EDA2R: variants seen among roughly 807,000 people sequenced by gnomAD.
EDA2R encodes tumor necrosis factor receptor superfamily member 27.
EDA2R carries 26 observed loss-of-function variants against 20.1 expected under a neutral mutation model. The observed-to-expected ratio is 1.30, with a 90% CI of 0.95 to 1.80. The LOEUF (loss-of-function observed/expected upper bound fraction) is 1.80. Among genes scored for constraint, EDA2R ranks in the 40% most tolerant of loss-of-function variants. The pLI is 0.00. For missense variants in EDA2R, 277 were observed against 228.7 expected (o/e 1.21, Z -1.36); for synonymous variants, 114 against 88.7 (o/e 1.29, Z -1.60).
intron 2 of EDA2R, among the ~76,000 whole-genome samples, chrX:66,608,529 C>G (rs1348755280): frequency 8.9e-6 from 1 of 112,046 alleles, no homozygotes; most frequent in Non-Finnish European, 1.9e-5. Flanking sequence ...GACTTAAAGT[C>G]AGTGAGATGA....
intron 5 of EDA2R, 146 bp from the exon 6 acceptor site, chrX:66,600,006 G>A (rs1226912453): frequency 2.6e-6 from 3 of 1,145,652 alleles, no homozygotes; most frequent in Non-Finnish European, 3.5e-6. Flanking sequence ...CCTAGCACCA[G>A]GCTGAGGTGA....
At chrX:66,627,207 A>C (rs1462108792) in intron 1 of EDA2R, among the ~76,000 whole-genome samples, 2 of 112,044 alleles carry the variant, frequency 1.8e-5, no homozygotes, top group African/African-American at 3.2e-5. Flanking sequence ...ACAAAAACAA[A>C]ATTTAAAAAT....
chrX:66,630,520 C>A (rs759188744), intron 1 of EDA2R, among the ~76,000 whole-genome samples: 2 of 110,664 alleles, frequency 1.8e-5, no homozygotes, highest in Non-Finnish European at 3.8e-5. Context: ...CCCACCAAAA[C>A]GTGGGCTAAG....
At chrX:66,630,663 T>C (rs1174306044) in intron 1 of EDA2R, among the ~76,000 whole-genome samples, 1 of 110,636 alleles carries the variant, frequency 9.0e-6, no homozygotes, top group Non-Finnish European at 1.9e-5. Flanking sequence ...CTTGCAAAAA[T>C]GGCCATAATC....
At chrX:66,614,309 C>T (rs1162827996) in intron 2 of EDA2R, among the ~76,000 whole-genome samples, 1 of 111,826 alleles carries the variant, frequency 8.9e-6, no homozygotes, top group Non-Finnish European at 1.9e-5. Flanking sequence ...GATAACATTG[C>T]TGATCTGCCC....
intron 1 of EDA2R, among the ~76,000 whole-genome samples, chrX:66,617,312 A>T (rs1274656001): frequency 8.9e-6 from 1 of 111,950 alleles, no homozygotes; most frequent in East Asian, 2.8e-4. Context: ...CTTCATTCAA[A>T]GGAAAGTGGG....
chrX:66,607,818 G>A (rs1263302753), intron 2 of EDA2R, among the ~76,000 whole-genome samples: 1 of 111,241 alleles, frequency 9.0e-6, no homozygotes, highest in Non-Finnish European at 1.9e-5. Flanking sequence ...AAATCACACA[G>A]TGTAAAAAGA....
chrX:66,628,309 A>C (rs750104593), intron 1 of EDA2R, among the ~76,000 whole-genome samples: 1 of 110,923 alleles, frequency 9.0e-6, no homozygotes, highest in South Asian at 3.8e-4. Flanking sequence ...CAAACCCAGC[A>C]GAAGAAAGGA....
intron 1 of EDA2R, among the ~76,000 whole-genome samples, chrX:66,618,734 T>C (rs1196418796): frequency 8.9e-6 from 1 of 112,188 alleles, no homozygotes; most frequent in Non-Finnish European, 1.9e-5. Context: ...CATATGAATC[T>C]AGCAACATAG....
At chrX:66,599,956 G>C in intron 5 of EDA2R, 96 bp from the exon 6 acceptor site, 1 of 1,139,446 alleles carries the variant, frequency 8.8e-7, no homozygotes, top group South Asian at 2.1e-5. Flanking sequence ...TAAAGGTCTG[G>C]GAGCTGATTC....
chrX:66,636,290 G>A (rs1934313241), intron 1 of EDA2R, among the ~76,000 whole-genome samples: 1 of 111,562 alleles, frequency 9.0e-6, no homozygotes, highest in Non-Finnish European at 1.9e-5. Context: ...TCATCACTAT[G>A]AAGACATACT....
At chrX:66,600,079 G>A (rs1928276040) in intron 5 of EDA2R, 4 of 1,158,301 alleles carry the variant, frequency 3.5e-6, no homozygotes, top group Non-Finnish European at 4.6e-6. Context: ...CTGGATCAGA[G>A]AAAATAATCA....
intron 5 of EDA2R, among the ~76,000 whole-genome samples, chrX:66,601,701 CTG>C (rs1467266742): frequency 9.0e-6 from 1 of 111,305 alleles, no homozygotes; most frequent in Non-Finnish European, 1.9e-5. Context: ...ACTTCATTCT[CTG>C]ATCTGAGTTC....
chrX:66,597,984 T>C lies in EDA2R; in HGVS notation c.*120A>G, dbSNP rs1346433974. The C allele has an allele frequency of 1.1e-6, 1 of 928,746 alleles. No homozygotes were observed. The highest frequency in any genetic ancestry group is 1.4e-6 in the Non-Finnish European group (1 of 722,991). The allele number at this position is 928,746 out of a possible 1,213,427, so 76.5% of individuals were successfully genotyped here. A position where few individuals can be genotyped will look rare whatever the true frequency, so the allele number is the denominator to read the frequency against. Reference sequence around the variant, plus strand: ...GATGGGATAGGATATGCCCCATCTGTAGGGTATTAGCTCTTGTGGACATCA... The same window carrying C: ...GATGGGATAGGATATGCCCCATCTGCAGGGTATTAGCTCTTGTGGACATCA... On this transcript the variant is annotated 3_prime_UTR_variant, in exon 7 of 7. Coordinates refer to ENST00000374719, the MANE Select transcript of EDA2R (RefSeq NM_021783.5).
Position 66,616,035 on chromosome X carries a change from G to A in EDA2R, c.-10-5C>T. 1 of 1,174,564 alleles carries A rather than the reference G, an allele frequency of 8.5e-7. No homozygotes were observed. ...TGGCAATCCATGGTGGGAAGGCTGT[G>A]GGTAGAGAACACAAGAACTAGCAAG... On this transcript the variant is annotated splice_region_variant and splice_polypyrimidine_tract_variant and intron_variant, in intron 1 of 6. Transcript: ENST00000374719.
intron 1 of EDA2R, among the ~76,000 whole-genome samples, chrX:66,637,130 C>T (rs1569265647): frequency 8.9e-6 from 1 of 112,260 alleles, no homozygotes; most frequent in Non-Finnish European, 1.9e-5. Context: ...GCGTTATCCA[C>T]AGAAGTGAGA....
chrX:66,631,020 CATATACACACACATGTGTGTATATGTAT>C (rs759605258), intron 1 of EDA2R, among the ~76,000 whole-genome samples: 92 of 108,641 alleles, frequency 8.5e-4, no homozygotes, highest in African/African-American at 2.3e-3. Context: ...TGTATATATA[CATATACACACACATGTGTGTATATGTAT>C]ATATACACAT....
At chrX:66,611,303 A>G (rs1000211244) in intron 2 of EDA2R, among the ~76,000 whole-genome samples, 1 of 111,488 alleles carries the variant, frequency 9.0e-6, no homozygotes, top group Non-Finnish European at 1.9e-5. Flanking sequence ...ACAACGAAAA[A>G]CCACCCATGA....
At chrX:66,612,546 A>T in intron 2 of EDA2R, among the ~76,000 whole-genome samples, 1 of 111,201 alleles carries the variant, frequency 9.0e-6, no homozygotes, top group Non-Finnish European at 1.9e-5. Flanking sequence ...ACAAAGAGAC[A>T]CACTCAAAAA....
Sources: allele counts gnomAD v4.1 joint callset (sites outside exome capture counted in the v4.1 genomes callset), GRCh38; gene constraint gnomAD v4.1.1; transcripts MANE v1.5; gene names NCBI Gene and HGNC (gene_info 2026-07-23, HGNC 2026-07-21).